RCOR1: variants seen among roughly 807,000 people sequenced by gnomAD.
RCOR1 encodes REST corepressor.
Under a neutral mutation model 64.0 loss-of-function variants are expected in RCOR1, and 12 were observed. That is an observed-to-expected ratio of 0.19 (90% CI 0.12 to 0.30). The LOEUF (loss-of-function observed/expected upper bound fraction) is 0.30. Ranked by LOEUF, RCOR1 falls within the 10% of genes least tolerant of loss-of-function variation. The pLI is 1.00. For missense variants in RCOR1, 502 were observed against 621.2 expected (o/e 0.81, Z 2.04); for synonymous variants, 279 against 227.2 (o/e 1.23, Z -2.05).
chr14:102,641,786 A>G (rs904680616), intron 2 of RCOR1, among the ~76,000 whole-genome samples: 1 of 152,174 alleles, frequency 6.6e-6, no homozygotes, highest in Non-Finnish European at 1.5e-5. Flanking sequence ...AGCAGGGGCT[A>G]TGTGTTACTT....
intron 2 of RCOR1, among the ~76,000 whole-genome samples, chr14:102,613,004 A>G (rs1345948002): frequency 6.6e-6 from 1 of 151,174 alleles, no homozygotes; most frequent in African/African-American, 2.4e-5. Context: ...CGTATTGATG[A>G]TTCTAGTCCA....
At chr14:102,595,820 C>T (rs1206893913) in intron 2 of RCOR1, among the ~76,000 whole-genome samples, 2 of 152,052 alleles carry the variant, frequency 1.3e-5, no homozygotes, top group Non-Finnish European at 2.9e-5. Context: ...ACCTCGTGAT[C>T]CGCCCGTCTC....
At chr14:102,676,662 G>A (rs1261896569) in intron 2 of RCOR1, among the ~76,000 whole-genome samples, 1 of 112,780 alleles carries the variant, frequency 8.9e-6, no homozygotes, top group Admixed American at 7.9e-5. Context: ...CCCGGACGGG[G>A]CGGCTGGCTG....
intron 2 of RCOR1, among the ~76,000 whole-genome samples, chr14:102,624,290 C>T (rs1567412084): frequency 2.6e-5 from 4 of 151,574 alleles, no homozygotes; most frequent in Admixed American, 2.0e-4. Flanking sequence ...GATCACCTGA[C>T]GTCAGGAGTT....
intron 2 of RCOR1, among the ~76,000 whole-genome samples, chr14:102,621,013 T>TTTAATGTTAAATAA (rs1219443710): frequency 1.3e-5 from 2 of 152,204 alleles, no homozygotes; most frequent in East Asian, 3.8e-4. Context: ...TCTGGTCACC[T>TTTAATGTTAAATAA]ATTGTTAAAT....
intron 2 of RCOR1, chr14:102,657,133 A>T (rs1595215783): frequency 1.0e-6 from 1 of 966,968 alleles, no homozygotes; most frequent in African/African-American, 2.1e-5. Flanking sequence ...TAGGTTGACT[A>T]TGTAAACCCA....
intron 7 of RCOR1, among the ~76,000 whole-genome samples, chr14:102,712,663 C>CTTT (rs80063348): frequency 2.7e-5 from 3 of 109,358 alleles, no homozygotes; most frequent in South Asian, 2.9e-4. Context: ...ATTGTTAAGG[C>CTTT]TTTTTTTTTT....
intron 2 of RCOR1, among the ~76,000 whole-genome samples, chr14:102,642,385 C>T (rs1357390405): frequency 1.3e-5 from 2 of 152,104 alleles, no homozygotes; most frequent in Non-Finnish European, 1.5e-5. Flanking sequence ...GAAATTGAAG[C>T]GCAGTTCAGT....
At chr14:102,634,027 G>A (rs1894181268) in intron 2 of RCOR1, among the ~76,000 whole-genome samples, 2 of 152,108 alleles carry the variant, frequency 1.3e-5, no homozygotes, top group Non-Finnish European at 2.9e-5. Context: ...GTGCCTCAAG[G>A]AGGTAGGGTG....
intron 2 of RCOR1, chr14:102,659,138 A>C (rs766715917): frequency 1.0e-6 from 1 of 985,212 alleles, no homozygotes; most frequent in Non-Finnish European, 1.2e-6. Context: ...CTACCGACTT[A>C]CTGGACTTTT....
chr14:102,649,057 C>CAAAA (rs1323616591), intron 2 of RCOR1, among the ~76,000 whole-genome samples: 2 of 128,576 alleles, frequency 1.6e-5, no homozygotes, highest in Admixed American at 8.2e-5. Context: ...ACCAAACAAG[C>CAAAA]AAAAAAAACA....
intron 3 of RCOR1, among the ~76,000 whole-genome samples, chr14:102,687,786 ACT>A (rs1895450818): frequency 6.6e-6 from 1 of 152,138 alleles, no homozygotes; most frequent in African/African-American, 2.4e-5. Flanking sequence ...CCCATGTACC[ACT>A]GAGTCAGTAT....
intron 3 of RCOR1, among the ~76,000 whole-genome samples, chr14:102,686,097 A>G (rs1646839140): frequency 6.6e-6 from 1 of 152,192 alleles, no homozygotes; most frequent in Admixed American, 6.5e-5. Flanking sequence ...ATGTATCAGT[A>G]AAATAAAATA....
chr14:102,597,180 C>G (rs187064379), intron 2 of RCOR1, among the ~76,000 whole-genome samples: 8 of 151,732 alleles, frequency 5.3e-5, no homozygotes, highest in African/African-American at 1.9e-4. Flanking sequence ...GTCCCTACCT[C>G]AGTTTTGAGT....
chr14:102,697,747 G>T (rs1895676923), intron 3 of RCOR1, among the ~76,000 whole-genome samples: 1 of 150,280 alleles, frequency 6.7e-6, no homozygotes, highest in Non-Finnish European at 1.5e-5. Flanking sequence ...TTTGGACAGG[G>T]TCTCGCTCTG....
intron 2 of RCOR1, among the ~76,000 whole-genome samples, chr14:102,674,797 G>A (rs35929265): frequency 0.07 from 10,623 of 152,016 alleles, 574 homozygotes; most frequent in African/African-American, 0.15. Context: ...ACTTTAGGCC[G>A]GGCACGGTGG....
At chr14:102,595,190 T>G (rs1445661814) in intron 2 of RCOR1, among the ~76,000 whole-genome samples, 4 of 152,246 alleles carry the variant, frequency 2.6e-5, no homozygotes, top group African/African-American at 9.6e-5. Flanking sequence ...AACTTGCTAG[T>G]GACCAGCTAT....
At position 102,720,702 on chromosome 14, in the gene RCOR1, G is replaced by C. The variant is rs1595246192; in HGVS notation, c.1054-305G>C. Among the ~76,000 whole-genome samples the C allele has an allele frequency of 2.0e-5, 3 of 152,142 alleles. No individual in the cohort carries two copies. The South Asian group carries it at 6.2e-4, about 31-fold the overall frequency. ...GGGATTTCTTCTGTCTTTTATGTAA[G>C]ACTCCAGGTAGGTGTTTTGCTGCTC... On this transcript the variant is annotated intron_variant, in intron 8 of 11. Transcript: ENST00000262241.
At chr14:102,596,291 C>T (rs1206037010) in intron 2 of RCOR1, among the ~76,000 whole-genome samples, 3 of 151,934 alleles carry the variant, frequency 2.0e-5, no homozygotes, top group Non-Finnish European at 4.4e-5. Flanking sequence ...ATAGTAGAGA[C>T]AGGGTTTCTC....
Sources: allele counts gnomAD v4.1 joint callset (sites outside exome capture counted in the v4.1 genomes callset), GRCh38; gene constraint gnomAD v4.1.1; transcripts MANE v1.5; gene names NCBI Gene and HGNC (gene_info 2026-07-23, HGNC 2026-07-21).